ANKRD66: variants seen among roughly 807,000 people sequenced by gnomAD.
The protein encoded by ANKRD66 is ankyrin repeat domain-containing protein 66.
In ANKRD66, 10 loss-of-function variants were observed where a neutral mutation model predicts 10.9. That is an observed-to-expected ratio of 0.91 (90% CI 0.56 to 1.55). The LOEUF (loss-of-function observed/expected upper bound fraction) is 1.55. Among genes scored for constraint, ANKRD66 ranks in the 40% most tolerant of loss-of-function variants. The pLI is 0.00. For synonymous variants in ANKRD66, 85 were observed against 88.4 expected, an observed-to-expected ratio of 0.96 and a Z score of 0.22; for missense variants, 252 against 242.9, an observed-to-expected ratio of 1.04 and a Z score of -0.25.
chr6:46,751,249 A>C (rs959643374), intron 2 of ANKRD66, among the ~76,000 whole-genome samples: 1 of 152,200 alleles, frequency 6.6e-6, no homozygotes. Context: ...TTGTCAACAC[A>C]GTGTAAAAAG....
intron 1 of ANKRD66, among the ~76,000 whole-genome samples, chr6:46,747,441 T>C (rs1486749999): frequency 6.6e-6 from 1 of 152,228 alleles, no homozygotes; most frequent in Non-Finnish European, 1.5e-5. Context: ...CCTGTACTTA[T>C]CAGCAGTCAC....
At chr6:46,757,533 C>A in intron 4 of ANKRD66, 1 of 152,208 alleles carries the variant, frequency 6.6e-6, no homozygotes. Context: ...GGCAGTGGTA[C>A]TGCGTGGGAT....
intron 1 of ANKRD66, among the ~76,000 whole-genome samples, chr6:46,749,558 C>CG (rs1426413355): frequency 2.0e-4 from 20 of 98,278 alleles, no homozygotes; most frequent in African/African-American, 8.0e-4. Flanking sequence ...ATTCCCCCCC[C>CG]CCCCCCCCCG....
chr6:46,758,952 CT>C lies in ANKRD66; in HGVS notation c.*34del. On this transcript the variant is annotated 3_prime_UTR_variant, in exon 5 of 5. Coordinates refer to ENST00000565422, the MANE Select transcript of ANKRD66 (RefSeq NM_001162435.3). The stretch of plus-strand genomic sequence containing the variant: ...CAACCTTATGTTTTCTGGCAAGGAA[CT>C]TTCCCTGGTGCCAGAAATGAGGCTG... The C allele has an allele frequency of 2.0e-6, 3 of 1,512,056 alleles. No individual in the cohort carries two copies. The South Asian group carries it at 3.8e-5, about 19-fold the overall frequency. 93.7% of individuals were successfully genotyped at this position (1,512,056 alleles called of 1,614,324 possible).
Position 46,759,403 on chromosome 6 carries a change from T to C in ANKRD66, c.*482T>C, listed in dbSNP as rs1263000771. 1 of 152,342 alleles carries C rather than the reference T, an allele frequency of 6.6e-6. No individual in the cohort carries two copies. The highest frequency in any genetic ancestry group is 1.9e-4 in the East Asian group (1 of 5,202). 9.4% of individuals were successfully genotyped at this position (152,342 alleles called of 1,614,324 possible). A position where few individuals can be genotyped will look rare whatever the true frequency, so the allele number is the denominator to read the frequency against. On this transcript the variant is annotated 3_prime_UTR_variant, in exon 5 of 5. Coordinates refer to ENST00000565422, the MANE Select transcript of ANKRD66 (RefSeq NM_001162435.3). ...TACACATTAGATTTCAAACACTTAG[T>C]ACAAAAATATAAAATGTCTCCTTAA... is the stretch of plus-strand genomic sequence containing the variant.
intron 4 of ANKRD66, 167 bp from the exon 5 acceptor site, chr6:46,758,556 C>A (rs1010100008): frequency 1.2e-4 from 67 of 541,554 alleles, no homozygotes; most frequent in African/African-American, 1.2e-3. Flanking sequence ...CAAGTAGTTT[C>A]TTTAGTGTCT....
intron 1 of ANKRD66, 134 bp downstream of exon 1, chr6:46,747,124 G>T: frequency 1.3e-6 from 1 of 797,098 alleles, no homozygotes; most frequent in South Asian, 2.4e-5. Context: ...CTACCAGAAA[G>T]ATAGGAAATC....
chr6:46,758,935 T>C lies in ANKRD66; in HGVS notation c.*14T>C, dbSNP rs1252712688. On this transcript the variant is annotated 3_prime_UTR_variant, in exon 5 of 5. Transcript: ENST00000565422. ...AGGAGAGTATGAGAACTCAACCTTA[T>C]GTTTTCTGGCAAGGAACTTTCCCTG... 3.9e-6 allele frequency: 6 copies of C among 1,528,954 alleles called. No homozygotes were observed. The highest frequency in any genetic ancestry group is 1.4e-5 in the African/African-American group (1 of 71,604). The allele number at this position is 1,528,954 out of a possible 1,614,324, so 94.7% of individuals were successfully genotyped here. A position where few individuals can be genotyped will look rare whatever the true frequency, so the allele number is the denominator to read the frequency against.
At chr6:46,749,637 C>G (rs1766225672) in intron 1 of ANKRD66, among the ~76,000 whole-genome samples, 1 of 128,046 alleles carries the variant, frequency 7.8e-6, no homozygotes, top group Non-Finnish European at 1.5e-5. Flanking sequence ...TTTATTGACT[C>G]TTGGTTTACA....
At position 46,759,428 on chromosome 6, in the gene ANKRD66, A is replaced by G. The variant is rs1433731292; in HGVS notation, c.*507A>G. On this transcript the variant is annotated 3_prime_UTR_variant, in exon 5 of 5. Transcript: ENST00000565422. ...TACAAAAATATAAAATGTCTCCTTA[A>G]TAATACTTAATATTGATTCCACATT... 3 of 152,286 alleles carry G rather than the reference A, an allele frequency of 2.0e-5. No homozygotes were observed. The highest frequency in any genetic ancestry group is 2.9e-5 in the Non-Finnish European group (2 of 68,088). 9.4% of individuals were successfully genotyped at this position (152,286 alleles called of 1,614,324 possible).
Position 46,754,077 on chromosome 6 carries a change from A to G in ANKRD66, c.392+127A>G, listed in dbSNP as rs1380973669. 6.2e-6 allele frequency: 5 copies of G among 802,204 alleles called. No homozygotes were observed. In the East Asian group the frequency reaches 1.1e-4, roughly 18 times the overall value. The allele number at this position is 802,204 out of a possible 1,614,324, so 49.7% of individuals were successfully genotyped here. On this transcript the variant is annotated intron_variant, in intron 4 of 4. Coordinates refer to ENST00000565422, the MANE Select transcript of ANKRD66 (RefSeq NM_001162435.3). ...GAGGAAATCCAGCCAATGGACTATT[A>G]TTTTTATTGATTTTTTTAGTTGAGT...
At chr6:46,748,846 T>C (rs944114262) in intron 1 of ANKRD66, among the ~76,000 whole-genome samples, 1 of 152,206 alleles carries the variant, frequency 6.6e-6, no homozygotes, top group African/African-American at 2.4e-5. Context: ...CACAAAGATA[T>C]TGCTACTCAG....
chr6:46,753,700 G>C, intron 3 of ANKRD66, 22 bp from the exon 4 acceptor site: 1 of 1,527,942 alleles, frequency 6.5e-7, no homozygotes, highest in Non-Finnish European at 8.8e-7. Context: ...ACCTCATCCT[G>C]TTTCTTTTTG....
At chr6:46,748,815 G>A (rs547370340) in intron 1 of ANKRD66, among the ~76,000 whole-genome samples, 135 of 152,264 alleles carry the variant, frequency 8.9e-4, no homozygotes, top group Non-Finnish European at 1.6e-3. Flanking sequence ...CTTCCAGCCA[G>A]TCTATACCTT....
At position 46,759,120 on chromosome 6, in the gene ANKRD66, G is replaced by C. The variant is rs1407601741; in HGVS notation, c.*199G>C. 2.4e-6 allele frequency: 1 copy of C among 422,202 alleles called. No individual in the cohort carries two copies. Among genetic ancestry groups the C allele is most frequent in the East Asian group, 3.4e-5 (1 of 28,992 alleles). The allele number at this position is 422,202 out of a possible 1,614,324, so 26.2% of individuals were successfully genotyped here. A position where few individuals can be genotyped will look rare whatever the true frequency, so the allele number is the denominator to read the frequency against. On this transcript the variant is annotated 3_prime_UTR_variant, in exon 5 of 5. Coordinates refer to ENST00000565422, the MANE Select transcript of ANKRD66 (RefSeq NM_001162435.3). ...ACTGTGTACAATAATTACCGGGAAAGGACAAAACCTGCTTGCATTTTGTCA... is the reference window on the plus strand; with the variant it reads ...ACTGTGTACAATAATTACCGGGAAACGACAAAACCTGCTTGCATTTTGTCA...
chr6:46,755,211 T>C lies in ANKRD66; in HGVS notation c.392+1261T>C, dbSNP rs112439395. Among the ~76,000 whole-genome samples the C allele has an allele frequency of 5.3e-3, 815 of 152,338 alleles. 7 individuals are homozygous for C. Among genetic ancestry groups the C allele is most frequent in the African/African-American group, 0.018 (748 of 41,570 alleles). On this transcript the variant is annotated intron_variant, in intron 4 of 4. Coordinates refer to ENST00000565422, the MANE Select transcript of ANKRD66 (RefSeq NM_001162435.3). ...TTAATTCTCAACCCAGCACATAACC[T>C]GGAATTCCCAACCTTAGATGAATCT...
intron 1 of ANKRD66, among the ~76,000 whole-genome samples, chr6:46,749,015 G>A (rs1383808179): frequency 1.3e-5 from 2 of 152,198 alleles, no homozygotes; most frequent in Non-Finnish European, 2.9e-5. Flanking sequence ...GGCCAAATCT[G>A]GCTCACCCCA....
intron 4 of ANKRD66, chr6:46,756,148 T>C: frequency 2.4e-6 from 1 of 410,372 alleles, no homozygotes; most frequent in Non-Finnish European, 4.8e-6. Flanking sequence ...ATTTGCAAGA[T>C]CTAAGATCAT....
Position 46,758,869 on chromosome 6 carries a change from A to T in ANKRD66, c.539A>T (p.Lys180Met), listed in dbSNP as rs184567735. ...SLNQNMNKKN[K>M]KSRGPTRPSN... ...AATCAAAACATGAATAAAAAGAATA[A>T]GAAAAGTCGAGGCCCCACCAGGCCC... The change falls in exon 5 of 5, where the codon AAG becomes ATG. Residue 180 changes from lysine (K) to methionine (M), a missense_variant. Physicochemically the swap from Lys to Met is moderately conservative, Grantham distance 95 (BLOSUM62 -1). Coordinates refer to ENST00000565422, the MANE Select transcript of ANKRD66 (RefSeq NM_001162435.3). The T allele has an allele frequency of 3.2e-6, 5 of 1,551,588 alleles. No homozygotes were observed. The East Asian group carries it at 1.2e-4, about 38-fold the overall frequency.
Sources: allele counts gnomAD v4.1 joint callset (sites outside exome capture counted in the v4.1 genomes callset), GRCh38; gene constraint gnomAD v4.1.1; transcripts MANE v1.5; gene names NCBI Gene and HGNC (gene_info 2026-07-23, HGNC 2026-07-21).